The following SLC10A7 variants were observed in gnomAD, a reference collection of about 807,000 sequenced individuals.
SLC10A7 encodes the protein solute carrier family 10 member 7.
Under a neutral mutation model 43.2 loss-of-function variants are expected in SLC10A7, and 29 were observed. The ratio of observed to expected loss-of-function variants is 0.67; its 90% CI spans 0.50 to 0.92. The LOEUF is 0.92. SLC10A7 is among the 40% of genes least tolerant of loss of function. SLC10A7 has a pLI of 0.00. For synonymous variants in SLC10A7, 152 were observed against 144.8 expected (o/e 1.05, Z -0.35); for missense variants, 295 against 403.2 (o/e 0.73, Z 2.30).
At chr4:146,425,579 AC>A (rs1729285827) in intron 5 of SLC10A7, among the ~76,000 whole-genome samples, 1 of 152,144 alleles carries the variant, frequency 6.6e-6, no homozygotes, top group South Asian at 2.1e-4. Context: ...ATACTAATGT[AC>A]CTCCCTCTTC....
chr4:146,363,996 T>A lies in SLC10A7; in HGVS notation c.436-38000A>T, dbSNP rs186795595. ...AAAATTAATAGAGGAAAAGAAAAGATAAAGATCAAAGCAGAAACAAATAAA... is the reference window on the plus strand; with the variant it reads ...AAAATTAATAGAGGAAAAGAAAAGAAAAAGATCAAAGCAGAAACAAATAAA... On this transcript the variant is annotated intron_variant, in intron 5 of 11. Coordinates refer to ENST00000335472, the MANE Select transcript of SLC10A7 (RefSeq NM_001029998.6). Among the ~76,000 whole-genome samples, 383 of 151,290 alleles carry A rather than the reference T, an allele frequency of 2.5e-3. 5 individuals are homozygous for A. The highest frequency in any genetic ancestry group is 8.9e-3 in the African/African-American group (368 of 41,306).
At position 146,364,640 on chromosome 4, in the gene SLC10A7, G is replaced by C. The variant is rs954253501; in HGVS notation, c.436-38644C>G. Among the ~76,000 whole-genome samples, 4 of 152,066 alleles carry C rather than the reference G, an allele frequency of 2.6e-5. No individual in the cohort carries two copies. In the South Asian group the frequency reaches 8.3e-4, roughly 31 times the overall value. ...AGGCAGGAAAAGCAGTGAAGAGGAAGGAATAAAGAGGGATTGGTTAACAGG... is the reference window on the plus strand; with the variant it reads ...AGGCAGGAAAAGCAGTGAAGAGGAACGAATAAAGAGGGATTGGTTAACAGG... On this transcript the variant is annotated intron_variant, in intron 5 of 11. Transcript: ENST00000335472.
intron 5 of SLC10A7, among the ~76,000 whole-genome samples, chr4:146,413,413 G>A (rs933882038): frequency 6.6e-6 from 1 of 152,088 alleles, no homozygotes; most frequent in African/African-American, 2.4e-5. Context: ...AGTGAGATAA[G>A]TAAGGCAATA....
intron 1 of SLC10A7, among the ~76,000 whole-genome samples, chr4:146,519,772 G>A (rs1454352409): frequency 6.6e-6 from 1 of 152,098 alleles, no homozygotes; most frequent in Non-Finnish European, 1.5e-5. Context: ...CCTTAACCTA[G>A]AGAGAGTCAC....
At chr4:146,337,357 T>C (rs10010528) in intron 5 of SLC10A7, among the ~76,000 whole-genome samples, 20,641 of 151,996 alleles carry the variant, frequency 0.14, 1,447 homozygotes, top group Non-Finnish European at 0.15. Context: ...AATCTGAGGT[T>C]GCAGTTTTAT....
chr4:146,457,982 C>T lies in SLC10A7; in HGVS notation c.397-15161G>A, dbSNP rs191058196. Among the ~76,000 whole-genome samples the T allele has an allele frequency of 2.5e-3, 383 of 151,818 alleles. 3 individuals carry two copies. The highest frequency in any genetic ancestry group is 9.0e-3 in the African/African-American group (374 of 41,468). On this transcript the variant is annotated intron_variant, in intron 4 of 11. Coordinates refer to ENST00000335472, the MANE Select transcript of SLC10A7 (RefSeq NM_001029998.6). ...AAAGAAAATTCGCCAAATCATTTTA[C>T]GAGACCAGCACTAACCTGATACCAA...
In SLC10A7 at chr4:146,362,328, A is replaced by G. The variant is rs1736101600; in HGVS notation, c.436-36332T>C. Among the ~76,000 whole-genome samples the G allele has an allele frequency of 2.6e-5, 4 of 152,272 alleles. No homozygotes were observed. In the South Asian group the frequency reaches 8.3e-4, roughly 32 times the overall value. ...ATCCAACTCTCAAAGGTCAAGGAAA[A>G]AGAAAGGATGCTAAAAACAGCAAGA... is the stretch of plus-strand genomic sequence containing the variant. On this transcript the variant is annotated intron_variant, in intron 5 of 11. Coordinates refer to ENST00000335472, the MANE Select transcript of SLC10A7 (RefSeq NM_001029998.6).
chr4:146,449,581 C>T (rs1471985389), intron 4 of SLC10A7, among the ~76,000 whole-genome samples: 1 of 151,944 alleles, frequency 6.6e-6, no homozygotes, highest in Non-Finnish European at 1.5e-5. Flanking sequence ...AAGCTAAGAC[C>T]CCATCCTGTT....
At chr4:146,319,946 C>T (rs1172519146) in intron 6 of SLC10A7, among the ~76,000 whole-genome samples, 6 of 152,014 alleles carry the variant, frequency 3.9e-5, no homozygotes, top group South Asian at 4.2e-4. Flanking sequence ...GGAGAAAAGG[C>T]GAAGAATATG....
intron 4 of SLC10A7, among the ~76,000 whole-genome samples, chr4:146,445,969 C>G (rs1731037388): frequency 6.6e-6 from 1 of 151,864 alleles, no homozygotes; most frequent in South Asian, 2.1e-4. Flanking sequence ...TTGCAGTTCT[C>G]ATGGGCACAG....
intron 5 of SLC10A7, among the ~76,000 whole-genome samples, chr4:146,413,520 C>T (rs922150527): frequency 1.3e-4 from 20 of 152,110 alleles, no homozygotes; most frequent in Admixed American, 4.6e-4. Flanking sequence ...TACCTTCTAG[C>T]TGCTTCTTCA....
intron 4 of SLC10A7, among the ~76,000 whole-genome samples, chr4:146,489,061 A>C (rs1560957934): frequency 1.3e-5 from 2 of 152,208 alleles, no homozygotes; most frequent in Non-Finnish European, 2.9e-5. Context: ...GCCATTTTCA[A>C]TAGCCTGTGC....
At chr4:146,327,812 T>C (rs1733248798) in intron 5 of SLC10A7, among the ~76,000 whole-genome samples, 1 of 152,140 alleles carries the variant, frequency 6.6e-6, no homozygotes, top group South Asian at 2.1e-4. Context: ...CCCACCCCTG[T>C]GCCACTGCAT....
intron 5 of SLC10A7, among the ~76,000 whole-genome samples, chr4:146,420,684 T>C (rs1398988138): frequency 6.6e-6 from 1 of 152,084 alleles, no homozygotes; most frequent in East Asian, 1.9e-4. Flanking sequence ...TGTTGTTTTT[T>C]TTAGGGGTCA....
intron 4 of SLC10A7, among the ~76,000 whole-genome samples, chr4:146,445,659 G>A (rs1471896978): frequency 6.6e-6 from 1 of 152,060 alleles, no homozygotes; most frequent in Admixed American, 6.5e-5. Context: ...CAGGCGTCCA[G>A]GAAAAATCAG....
intron 10 of SLC10A7, among the ~76,000 whole-genome samples, chr4:146,270,718 C>T (rs1326283703): frequency 6.6e-6 from 1 of 152,126 alleles, no homozygotes; most frequent in South Asian, 2.1e-4. Flanking sequence ...ACCAGCTCTG[C>T]TATCTATGTG....
intron 5 of SLC10A7, among the ~76,000 whole-genome samples, chr4:146,406,145 A>C (rs1308385018): frequency 3.3e-5 from 5 of 152,202 alleles, no homozygotes. Flanking sequence ...GTAGATTCTC[A>C]GTTCTTAATC....
At chr4:146,449,894 C>A (rs1173379742) in intron 4 of SLC10A7, among the ~76,000 whole-genome samples, 2 of 152,080 alleles carry the variant, frequency 1.3e-5, no homozygotes, top group Non-Finnish European at 2.9e-5. Context: ...AGAAATTAAT[C>A]CTAATTACCA....
chr4:146,473,986 A>G (rs1388016169), intron 4 of SLC10A7, among the ~76,000 whole-genome samples: 1 of 152,142 alleles, frequency 6.6e-6, no homozygotes, highest in African/African-American at 2.4e-5. Flanking sequence ...CACATTAAAG[A>G]GGTGAGCTTG....
Sources: gnomAD v4.1 joint callset for allele counts (sites outside exome capture counted in the v4.1 genomes callset) on GRCh38, gnomAD v4.1.1 for gene constraint, MANE v1.5 for transcripts, NCBI Gene and HGNC (gene_info 2026-07-23, HGNC 2026-07-21) for gene names.